Variants in CFAP47 observed in about 807,000 individuals in gnomAD.
CFAP47 encodes the protein cilia- and flagella-associated protein 47.
In CFAP47, 29 loss-of-function variants were observed where a neutral mutation model predicts 148.1. The ratio of observed to expected loss-of-function variants is 0.20; its 90% CI spans 0.15 to 0.27. The LOEUF is 0.27. Among genes scored for constraint, CFAP47 ranks in the 10% least tolerant of loss-of-function variants. CFAP47 has a pLI of 1.00. For missense variants in CFAP47, 1,872 were observed against 1,697.5 expected (o/e 1.10, Z -1.81); for synonymous variants, 664 against 577.3 (o/e 1.15, Z -2.15).
rs185507740 is a variant in CFAP47, at chrX:36,192,209, C to T, written c.6321+2013C>T. 2.8e-4 allele frequency among the ~76,000 whole-genome samples: 31 copies of T among 111,305 alleles called. 1 individual carries two copies. Among genetic ancestry groups the T allele is most frequent in the Admixed American group, 1.4e-3 (15 of 10,481 alleles). On this transcript the variant is annotated intron_variant, in intron 42 of 63. Transcript: ENST00000378653. ...GTTTTACAAATCTTACATTAGTGTT[C>T]ATAGAAATTCTTAACTAAGGGAGAA...
chrX:35,989,351 G>A lies in CFAP47; in HGVS notation c.2746G>A (p.Glu916Lys), dbSNP rs773028112. The A allele has an allele frequency of 8.3e-7, 1 of 1,210,232 alleles. No individual in the cohort carries two copies. Among genetic ancestry groups the A allele is most frequent in the South Asian group, 1.8e-5 (1 of 56,957 alleles). The change falls in exon 16 of 64, where the codon GAA (glutamate) becomes AAA (lysine). Residue 916 changes from glutamate to lysine, a missense_variant. Coordinates refer to ENST00000378653, the MANE Select transcript of CFAP47 (RefSeq NM_001304548.2). The part of the protein sequence containing the change: ...TVEAYSSLEC[E>K]VTWQQGFSSP... The stretch of plus-strand genomic sequence containing the variant: ...TGAAGCATATTCCTCACTGGAATGT[G>A]AAGTAACTTGGCAGCAGGGCTTCAG...
intron 4 of CFAP47, among the ~76,000 whole-genome samples, chrX:35,950,419 G>C (rs1936146025): frequency 8.9e-6 from 1 of 111,911 alleles, no homozygotes; most frequent in Non-Finnish European, 1.9e-5. Context: ...TGACTGGAAT[G>C]CAGTGGTGCA....
At chrX:36,194,433 A>G (rs1213104782) in intron 42 of CFAP47, among the ~76,000 whole-genome samples, 1 of 111,055 alleles carries the variant, frequency 9.0e-6, no homozygotes, top group African/African-American at 3.3e-5. Flanking sequence ...TCCCTTCCAC[A>G]TTTTCAGGTA....
chrX:36,299,765 C>G (rs2146956806), intron 52 of CFAP47, among the ~76,000 whole-genome samples: 1 of 111,390 alleles, frequency 9.0e-6, no homozygotes, highest in East Asian at 2.8e-4. Context: ...TCTTTCTGTG[C>G]CTGGCATATT....
chrX:36,106,988 G>A (rs1374274660), intron 33 of CFAP47, among the ~76,000 whole-genome samples: 1 of 111,476 alleles, frequency 9.0e-6, no homozygotes, highest in Non-Finnish European at 1.9e-5. Flanking sequence ...GGGTGATAAT[G>A]GTTTGTTAAT....
intron 51 of CFAP47, among the ~76,000 whole-genome samples, chrX:36,293,692 C>T (rs1342352076): frequency 1.8e-5 from 2 of 111,996 alleles, no homozygotes; most frequent in Admixed American, 9.5e-5. Flanking sequence ...TGCCAAGTGA[C>T]ATCTTCATGC....
intron 2 of CFAP47, among the ~76,000 whole-genome samples, chrX:35,927,921 ATC>A (rs1379148037): frequency 9.2e-6 from 1 of 109,002 alleles, no homozygotes; most frequent in Non-Finnish European, 1.9e-5. Flanking sequence ...TTGTAGCAAA[ATC>A]TTGCAAGAGA....
intron 62 of CFAP47, among the ~76,000 whole-genome samples, chrX:36,378,191 A>G (rs1778083076): frequency 8.9e-6 from 1 of 112,176 alleles, no homozygotes; most frequent in Non-Finnish European, 1.9e-5. Flanking sequence ...TCTACCAAGA[A>G]ATTCTTCAAA....
chrX:36,090,108 A>T (rs904458094), intron 30 of CFAP47, among the ~76,000 whole-genome samples: 3 of 112,129 alleles, frequency 2.7e-5, no homozygotes, highest in Non-Finnish European at 5.6e-5. Flanking sequence ...GTATTTATCA[A>T]TTATAGCCTC....
chrX:36,120,691 CT>C (rs1433929477), intron 33 of CFAP47, among the ~76,000 whole-genome samples: 11 of 110,340 alleles, frequency 1.0e-4, no homozygotes. Context: ...CTCATTATTC[CT>C]TTCTCATTTT....
chrX:36,152,120 T>C (rs1939314961), intron 37 of CFAP47, among the ~76,000 whole-genome samples: 1 of 111,119 alleles, frequency 9.0e-6, no homozygotes, highest in South Asian at 3.8e-4. Context: ...TTCTCTCTTT[T>C]TTTTTAGCTT....
At chrX:36,103,938 T>C (rs1938424907) in intron 32 of CFAP47, among the ~76,000 whole-genome samples, 1 of 111,747 alleles carries the variant, frequency 8.9e-6, no homozygotes, top group Non-Finnish European at 1.9e-5. Context: ...CCAGTTGCAT[T>C]GCTACCTAAT....
intron 41 of CFAP47, among the ~76,000 whole-genome samples, chrX:36,189,290 GTCT>G (rs782083092): frequency 3.7e-4 from 41 of 111,098 alleles, no homozygotes; most frequent in African/African-American, 1.3e-3. Flanking sequence ...TCCTTTCAAA[GTCT>G]TCTTCACTCA....
chrX:36,315,111 A>G (rs1941423373), intron 56 of CFAP47, among the ~76,000 whole-genome samples: 1 of 112,381 alleles, frequency 8.9e-6, no homozygotes, highest in African/African-American at 3.2e-5. Flanking sequence ...TCTTCAGACA[A>G]CTATACTATG....
chrX:36,053,084 C>G (rs1046143800), intron 26 of CFAP47, among the ~76,000 whole-genome samples: 5 of 111,218 alleles, frequency 4.5e-5, no homozygotes, highest in African/African-American at 1.6e-4. Context: ...TTTTTATGTG[C>G]CTTTTTGGGA....
At chrX:36,235,368 C>G (rs1338303234) in intron 46 of CFAP47, among the ~76,000 whole-genome samples, 3 of 112,366 alleles carry the variant, frequency 2.7e-5, no homozygotes, top group Non-Finnish European at 3.8e-5. Flanking sequence ...AGTCTGATCT[C>G]AGACTGTTGT....
chrX:36,364,901 CATATATAT>C (rs60748143), intron 61 of CFAP47, among the ~76,000 whole-genome samples: 3,130 of 67,197 alleles, frequency 0.047, 61 homozygotes, highest in Middle Eastern at 0.1. Context: ...ATATTTTGTG[CATATATAT>C]ATATATATAT....
chrX:36,041,134 C>T (rs1454984913), intron 25 of CFAP47, among the ~76,000 whole-genome samples: 13 of 110,839 alleles, frequency 1.2e-4, no homozygotes, highest in Non-Finnish European at 5.7e-5. Flanking sequence ...TAAAATTATA[C>T]ACAGTAGAAA....
chrX:35,960,752 T>C (rs1936319268), intron 8 of CFAP47, among the ~76,000 whole-genome samples: 1 of 111,233 alleles, frequency 9.0e-6, no homozygotes, highest in Non-Finnish European at 1.9e-5. Flanking sequence ...ATTTATTAGT[T>C]CTGGTAGTTT....
Sources: gnomAD v4.1 joint callset for allele counts (sites outside exome capture counted in the v4.1 genomes callset) on GRCh38, gnomAD v4.1.1 for gene constraint, MANE v1.5 for transcripts, NCBI Gene and HGNC (gene_info 2026-07-23, HGNC 2026-07-21) for gene names.